ENTPD6: variants seen among roughly 807,000 people sequenced by gnomAD.
ENTPD6 encodes the protein ectonucleoside triphosphate diphosphohydrolase 6.
ENTPD6 carries 46 observed loss-of-function variants against 61.5 expected under a neutral mutation model. The ratio of observed to expected loss-of-function variants is 0.75; its 90% CI spans 0.59 to 0.96. The LOEUF (loss-of-function observed/expected upper bound fraction) is 0.96, where lower values mean the gene tolerates loss of function less well. ENTPD6 is among the 40% of genes least tolerant of loss of function. The pLI, the probability that ENTPD6 is intolerant of heterozygous loss-of-function variation, is 0.00. For synonymous variants in ENTPD6, 252 were observed against 255.5 expected (o/e 0.99, Z 0.13); for missense variants, 612 against 629.0 (o/e 0.97, Z 0.29).
intron 1 of ENTPD6, among the ~76,000 whole-genome samples, chr20:25,206,156 G>T (rs1179440598): frequency 6.6e-6 from 1 of 152,228 alleles, no homozygotes; most frequent in South Asian, 2.1e-4. Flanking sequence ...CCCTTGAGGG[G>T]CATGTTGCCC....
chr20:25,206,652 T>G, intron 2 of ENTPD6, 62 bp downstream of exon 2: 1 of 1,193,408 alleles, frequency 8.4e-7, no homozygotes. Context: ...GAAAAGTAAA[T>G]TGCCTGAATA....
intron 1 of ENTPD6, among the ~76,000 whole-genome samples, chr20:25,197,929 G>A (rs922357259): frequency 6.6e-6 from 1 of 152,176 alleles, no homozygotes; most frequent in African/African-American, 2.4e-5. Flanking sequence ...ACTCTTGTGT[G>A]CTCCACCACA....
At position 25,217,388 on chromosome 20, in the gene ENTPD6, C is replaced by T. The variant is rs1172590725; in HGVS notation, c.799-114C>T. 2.2e-5 allele frequency: 21 copies of T among 949,314 alleles called. No individual in the cohort carries two copies. The Admixed American group carries it at 3.7e-4, about 17-fold the overall frequency. The allele number at this position is 949,314 out of a possible 1,614,324, so 58.8% of individuals were successfully genotyped here. ...TCGCAGCCAGCGACCTAGTGAACAG[C>T]TCATTTAATTGGCTGCACCTGACCA... is the stretch of plus-strand genomic sequence containing the variant. On this transcript the variant is annotated intron_variant, in intron 8 of 14. Transcript: ENST00000376652.
At position 25,228,068 on chromosome 20, in the gene ENTPD6, T is replaced by C. The variant is rs868270350; in HGVS notation, c.*2471T>C. The stretch of plus-strand genomic sequence containing the variant: ...TTTATTTATTAAGGAAATTATCCCA[T>C]TATGATAGAACGTGTCCAAAAATTT... On this transcript the variant is annotated 3_prime_UTR_variant, in exon 15 of 15. Transcript: ENST00000376652. Among the ~76,000 whole-genome samples the C allele has an allele frequency of 9.9e-5, 15 of 152,240 alleles. No homozygotes were observed. The highest frequency in any genetic ancestry group is 9.8e-4 in the Admixed American group (15 of 15,286).
At chr20:25,220,551 G>A (rs138081055) in intron 10 of ENTPD6, among the ~76,000 whole-genome samples, 234 of 152,264 alleles carry the variant, frequency 1.5e-3, no homozygotes, top group Non-Finnish European at 2.5e-3. Context: ...GTCGCTGGGC[G>A]GCTGTCTAGA....
At chr20:25,201,735 A>G (rs547106150) in intron 1 of ENTPD6, among the ~76,000 whole-genome samples, 1 of 152,210 alleles carries the variant, frequency 6.6e-6, no homozygotes, top group Non-Finnish European at 1.5e-5. Flanking sequence ...CCTCACCTGC[A>G]GTTGAAAATC....
chr20:25,213,468 C>T (rs2122989824), intron 5 of ENTPD6, 62 bp downstream of exon 5: 1 of 1,513,592 alleles, frequency 6.6e-7, no homozygotes, highest in Middle Eastern at 2.2e-4. Context: ...TGACTGAAAA[C>T]AACTGCTGTC....
At position 25,222,824 on chromosome 20, in the gene ENTPD6, G is replaced by A. The variant is rs11906864; in HGVS notation, c.1046-14G>A. ...TCGGAGCCCACTGACCGCTAGCCTT[G>A]TGCTTGTCCCCAGCGGCAAGCCTGC... On this transcript the variant is annotated splice_polypyrimidine_tract_variant and intron_variant, in intron 11 of 14. Coordinates refer to ENST00000376652, the MANE Select transcript of ENTPD6 (RefSeq NM_001247.5). The A allele has an allele frequency of 9.5e-3, 15,334 of 1,613,160 alleles. 1,250 individuals are homozygous for A. In the African/African-American group the frequency reaches 0.18, roughly 19 times the overall value.
In ENTPD6 at chr20:25,226,926, G is replaced by A. The variant is rs550081896; in HGVS notation, c.*1329G>A. ...GGCTGGTGGCCCCGGCCCTCCCAGC[G>A]TCTGTTGAGCACAGCTCCTCCTGTG... On this transcript the variant is annotated 3_prime_UTR_variant, in exon 15 of 15. Transcript: ENST00000376652. Among the ~76,000 whole-genome samples the A allele has an allele frequency of 1.2e-4, 19 of 152,372 alleles. 1 individual carries two copies. Among genetic ancestry groups the A allele is most frequent in the South Asian group, 1.2e-3 (6 of 4,832 alleles).
intron 3 of ENTPD6, 139 bp from the exon 4 acceptor site, chr20:25,209,710 G>A: frequency 1.5e-6 from 1 of 680,048 alleles, no homozygotes; most frequent in South Asian, 1.8e-5. Context: ...ATTTAGACAA[G>A]GAATAGCTGA....
At chr20:25,197,966 G>A (rs67555242) in intron 1 of ENTPD6, among the ~76,000 whole-genome samples, 41,951 of 152,102 alleles carry the variant, frequency 0.28, 6,609 homozygotes, top group East Asian at 0.61. Flanking sequence ...AGACAGTTCC[G>A]TTTACACACA....
At chr20:25,221,105 T>C (rs953334317) in intron 10 of ENTPD6, 127 bp from the exon 11 acceptor site, 1 of 669,584 alleles carries the variant, frequency 1.5e-6, no homozygotes, top group South Asian at 1.9e-5. Flanking sequence ...GCCTTCCCAG[T>C]GGACCTGGAA....
At chr20:25,198,815 G>A (rs1263637199) in intron 1 of ENTPD6, among the ~76,000 whole-genome samples, 5 of 152,176 alleles carry the variant, frequency 3.3e-5, no homozygotes, top group Non-Finnish European at 5.9e-5. Flanking sequence ...CATAGGGTCC[G>A]TCCTATTTCT....
chr20:25,207,288 C>T lies in ENTPD6; in HGVS notation c.267C>T (p.Ser89=), dbSNP rs764004461. The change falls in exon 3 of 15, where the codon AGC becomes AGT. Residue 89 remains serine (S), a synonymous_variant. Transcript: ENST00000376652. The part of the protein sequence containing the change: ...PGARWGQQAH[S]PLGTAADGHE... ...CCCGGTGGGGTCAGCAGGCCCACAG[C>T]CCCCTGGGGACAGCTGCAGACGGGC... 9 of 1,609,920 alleles carry T rather than the reference C, an allele frequency of 5.6e-6. No homozygotes were observed. The South Asian group carries it at 7.7e-5, about 14-fold the overall frequency.
chr20:25,210,542 G>A (rs1207947762), intron 4 of ENTPD6, among the ~76,000 whole-genome samples: 1 of 152,212 alleles, frequency 6.6e-6, no homozygotes, highest in Non-Finnish European at 1.5e-5. Context: ...CTACTTGGGA[G>A]ACTGAGGTGG....
intron 4 of ENTPD6, among the ~76,000 whole-genome samples, 187 bp downstream of exon 4, chr20:25,210,112 C>T (rs1275251418): frequency 3.3e-5 from 5 of 152,212 alleles, no homozygotes; most frequent in African/African-American, 4.8e-5. Context: ...GAGGAGAACG[C>T]GCCCCCACCC....
intron 6 of ENTPD6, 69 bp downstream of exon 6, chr20:25,215,011 T>A (rs2123044348): frequency 1.9e-6 from 2 of 1,072,246 alleles, no homozygotes; most frequent in East Asian, 4.8e-5. Flanking sequence ...ATCCTGCTGC[T>A]TCTAACCATC....
Position 25,209,841 on chromosome 20 carries a change from C to G in ENTPD6, c.377-8C>G. ...AGTTGTACCCTTTTCAACATGTTTT[C>G]CCCTTAGAAACTCCCACGTTAACCC... is the stretch of plus-strand genomic sequence containing the variant. On this transcript the variant is annotated splice_region_variant and splice_polypyrimidine_tract_variant and intron_variant, in intron 3 of 14. Coordinates refer to ENST00000376652, the MANE Select transcript of ENTPD6 (RefSeq NM_001247.5). 1 of 1,612,170 alleles carries G rather than the reference C, an allele frequency of 6.2e-7. No individual in the cohort carries two copies. Among genetic ancestry groups the G allele is most frequent in the East Asian group, 2.2e-5 (1 of 44,878 alleles).
intron 1 of ENTPD6, among the ~76,000 whole-genome samples, chr20:25,206,211 C>T (rs751808868): frequency 2.0e-4 from 30 of 152,178 alleles, no homozygotes; most frequent in Non-Finnish European, 3.7e-4. Flanking sequence ...ACTTCCAGCC[C>T]GGCATCCTCC....
Sources: allele counts gnomAD v4.1 joint callset (sites outside exome capture counted in the v4.1 genomes callset), GRCh38; gene constraint gnomAD v4.1.1; transcripts MANE v1.5; gene names NCBI Gene and HGNC (gene_info 2026-07-23, HGNC 2026-07-21).